Variants in VAV2 observed in about 807,000 individuals in gnomAD.
VAV2 encodes the protein vav guanine nucleotide exchange factor 2.
VAV2 carries 67 observed loss-of-function variants against 132.5 expected under a neutral mutation model. That is an observed-to-expected ratio of 0.51 (90% CI 0.42 to 0.62). The LOEUF is 0.62. VAV2 is among the 20% of genes least tolerant of loss of function. The probability of loss-of-function intolerance (pLI) is 0.00; values close to 1 mark genes in which losing one functional copy is unlikely to be tolerated. For synonymous variants in VAV2, 492 were observed against 443.5 expected, an observed-to-expected ratio of 1.11 and a Z score of -1.37; for missense variants, 938 against 1,153.6, an observed-to-expected ratio of 0.81 and a Z score of 2.71.
At position 133,885,178 on chromosome 9, in the gene VAV2, G is replaced by A. The variant is rs556712095; in HGVS notation, c.322-23746C>T. Among the ~76,000 whole-genome samples, 8 of 152,300 alleles carry A rather than the reference G, an allele frequency of 5.3e-5. No individual in the cohort carries two copies. Among genetic ancestry groups the A allele is most frequent in the African/African-American group, 1.9e-4 (8 of 41,572 alleles). On this transcript the variant is annotated intron_variant, in intron 2 of 29. Transcript: ENST00000371850. This position sits in a 1 kb window ranked among gnomAD's most constrained non-coding sequence, Gnocchi z 5.0. The stretch of plus-strand genomic sequence containing the variant: ...AACCAGTGACTTCATTTGCTCCAGT[G>A]TCCTGCGATTGATTCTTCTGAACTT...
chr9:133,788,243 C>CCCCA lies in VAV2; in HGVS notation c.1407+110_1407+111insTGGG. The CCCCA allele has an allele frequency of 9.9e-6, 13 of 1,310,464 alleles. No homozygotes were observed. Among genetic ancestry groups the CCCCA allele is most frequent in the South Asian group, 2.7e-5 (2 of 74,392 alleles). The allele number at this position is 1,310,464 out of a possible 1,614,324, so 81.2% of individuals were successfully genotyped here. On this transcript the variant is annotated intron_variant, in intron 15 of 29. Coordinates refer to ENST00000371850, the MANE Select transcript of VAV2 (RefSeq NM_001134398.2). This position sits in a 1 kb window ranked among gnomAD's most constrained non-coding sequence, Gnocchi z 5.3. ...AGACGCCCACCCCAACCCACCCGGC[C>CCCCA]AGCATCAGCGGCTGACTTCGAGTCC...
chr9:133,972,996 A>C (rs2810544), intron 1 of VAV2, among the ~76,000 whole-genome samples: 150,240 of 152,208 alleles, frequency 0.99, 74,173 homozygotes, highest in East Asian at 1. Context: ...GCGGAGGAGG[A>C]GGGCACTGGG....
intron 1 of VAV2, among the ~76,000 whole-genome samples, chr9:133,943,025 G>A (rs1416637870): frequency 2.0e-5 from 3 of 152,270 alleles, no homozygotes; most frequent in South Asian, 4.1e-4. Context: ...TTTCCACAAA[G>A]GGAAACTGAG....
chr9:133,839,049 T>G lies in VAV2; in HGVS notation c.381-4709A>C, dbSNP rs924141360. Among the ~76,000 whole-genome samples the G allele has an allele frequency of 2.0e-5, 3 of 151,032 alleles. No individual in the cohort carries two copies. The South Asian group carries it at 6.3e-4, about 32-fold the overall frequency. On this transcript the variant is annotated intron_variant, in intron 3 of 29. Coordinates refer to ENST00000371850, the MANE Select transcript of VAV2 (RefSeq NM_001134398.2). ...GTGGGTGGATGGATGAAAAGATGCA[T>G]GAATGGATGGATGGGCGAGTGGTTG...
chr9:133,940,482 G>T (rs556530985), intron 1 of VAV2, among the ~76,000 whole-genome samples: 2 of 152,112 alleles, frequency 1.3e-5, no homozygotes, highest in Non-Finnish European at 2.9e-5. Context: ...CACTGAGAAC[G>T]CCCTGGGAGC....
At position 133,824,875 on chromosome 9, in the gene VAV2, G is replaced by GGCTCAGGGCCCGGCCTGCAGC. The variant is rs879256020; in HGVS notation, c.449+9376_449+9396dup. 1.4e-3 allele frequency among the ~76,000 whole-genome samples: 215 copies of GGCTCAGGGCCCGGCCTGCAGC among 152,304 alleles called. 1 individual carries two copies. The highest frequency in any genetic ancestry group is 2.5e-3 in the Non-Finnish European group (167 of 68,020). Reference sequence around the variant, plus strand: ...CCGTCTCCTTCCTGTCCAGCGAGAGGGCTCAGGGCCCGGCCTGCAGCGCTC... The same window carrying GGCTCAGGGCCCGGCCTGCAGC: ...CCGTCTCCTTCCTGTCCAGCGAGAGGGCTCAGGGCCCGGCCTGCAGCGCTCAGGGCCCGGCCTGCAGCGCTC... On this transcript the variant is annotated intron_variant, in intron 4 of 29. Coordinates refer to ENST00000371850, the MANE Select transcript of VAV2 (RefSeq NM_001134398.2). This position sits in a 1 kb window ranked among gnomAD's most constrained non-coding sequence, Gnocchi z 5.2.
intron 1 of VAV2, among the ~76,000 whole-genome samples, chr9:133,981,692 GCCA>G (rs1757662619): frequency 1.3e-5 from 2 of 152,232 alleles, no homozygotes; most frequent in Non-Finnish European, 2.9e-5. Flanking sequence ...GAGGGACACG[GCCA>G]CCAAGAAGAT....
chr9:133,859,788 T>C (rs1837526588), intron 3 of VAV2, among the ~76,000 whole-genome samples: 1 of 152,214 alleles, frequency 6.6e-6, no homozygotes, highest in South Asian at 2.1e-4. Context: ...AATGATACTT[T>C]TAAAAACAAT....
At chr9:133,942,826 C>A (rs1841220267) in intron 1 of VAV2, among the ~76,000 whole-genome samples, 1 of 152,174 alleles carries the variant, frequency 6.6e-6, no homozygotes, top group Admixed American at 6.5e-5. Context: ...GGGCCCAACC[C>A]AGGGTGGTCT....
Position 133,788,370 on chromosome 9 carries a change from T to C in VAV2, c.1391A>G (p.Asn464Ser), listed in dbSNP as rs762753188. Reference protein sequence around the residue: ...FHKMTDDPMNNKDVKKSHGKM... With the variant: ...FHKMTDDPMNSKDVKKSHGKM... ...AGGCCCCACCTTCTTGACGTCCTTGTTGTTCATGGGGTCGTCGGTCATCTT... is the reference window on the plus strand; with the variant it reads ...AGGCCCCACCTTCTTGACGTCCTTGCTGTTCATGGGGTCGTCGGTCATCTT... The change falls in exon 15 of 30, where the codon AAC (asparagine) becomes AGC (serine). Residue 464 changes from asparagine to serine, a missense_variant. Physicochemically the swap from Asn to Ser is conservative, Grantham distance 46 (BLOSUM62 1). Transcript: ENST00000371850. This position sits in a 1 kb window ranked among gnomAD's most constrained non-coding sequence, Gnocchi z 5.3. The C allele has an allele frequency of 6.2e-7, 1 of 1,608,718 alleles. No homozygotes were observed. The highest frequency in any genetic ancestry group is 8.5e-7 in the Non-Finnish European group (1 of 1,175,534).
intron 4 of VAV2, among the ~76,000 whole-genome samples, chr9:133,820,224 C>T (rs1835730464): frequency 6.6e-6 from 1 of 152,246 alleles, no homozygotes; most frequent in Admixed American, 6.5e-5. Flanking sequence ...AAGCTCTGCT[C>T]CCTAATAGCT....
chr9:133,867,468 C>T (rs952070720), intron 2 of VAV2, among the ~76,000 whole-genome samples: 1 of 152,234 alleles, frequency 6.6e-6, no homozygotes, highest in Non-Finnish European at 1.5e-5. Flanking sequence ...AAGTCCCCGG[C>T]ACCCTGCAGG....
chr9:133,967,206 C>T (rs759362381), intron 1 of VAV2, among the ~76,000 whole-genome samples: 13 of 152,080 alleles, frequency 8.5e-5, no homozygotes, highest in Admixed American at 4.6e-4. Context: ...AAAACCACAA[C>T]GAGATACCAT....
intron 3 of VAV2, among the ~76,000 whole-genome samples, chr9:133,855,954 C>A (rs1203463127): frequency 6.6e-6 from 1 of 152,196 alleles, no homozygotes; most frequent in Non-Finnish European, 1.5e-5. Context: ...CCTAGCCACA[C>A]ACTGGAATGT....
intron 12 of VAV2, among the ~76,000 whole-genome samples, chr9:133,792,425 T>C (rs996553637): frequency 4.0e-5 from 6 of 149,696 alleles, no homozygotes; most frequent in African/African-American, 1.5e-4. Context: ...TGTGAGAACA[T>C]GTGTGTCTGA....
At chr9:133,980,214 G>C (rs1336476720) in intron 1 of VAV2, among the ~76,000 whole-genome samples, 3 of 152,216 alleles carry the variant, frequency 2.0e-5, no homozygotes, top group African/African-American at 7.2e-5. Flanking sequence ...TGCCGGTGGA[G>C]GGGGGAAGTG....
intron 4 of VAV2, among the ~76,000 whole-genome samples, chr9:133,825,171 G>A (rs1233571949): frequency 2.2e-5 from 3 of 134,676 alleles, no homozygotes; most frequent in Non-Finnish European, 4.6e-5. Flanking sequence ...GTCCAGCCAG[G>A]TGTCCTTGTC....
In VAV2 at chr9:133,788,215, C is replaced by T. The variant is rs532287256; in HGVS notation, c.1407+139G>A. On this transcript the variant is annotated intron_variant, in intron 15 of 29. Transcript: ENST00000371850. This position sits in a 1 kb window ranked among gnomAD's most constrained non-coding sequence, Gnocchi z 5.3. The stretch of plus-strand genomic sequence containing the variant: ...CTCAGAGAGGAGCCTTCCTGCAGAG[C>T]GGAGACGCCCACCCCAACCCACCCG... The T allele has an allele frequency of 9.8e-5, 111 of 1,136,316 alleles. 1 individual carries two copies. The highest frequency in any genetic ancestry group is 4.2e-4 in the South Asian group (28 of 66,166). 70.4% of individuals were successfully genotyped at this position (1,136,316 alleles called of 1,614,324 possible).
At chr9:133,803,187 A>T (rs1588197437) in intron 9 of VAV2, among the ~76,000 whole-genome samples, 2 of 151,992 alleles carry the variant, frequency 1.3e-5, no homozygotes, top group African/African-American at 4.8e-5. Context: ...TCATCTCCAC[A>T]TACGCAGGGA....
Sources: gnomAD v4.1 joint callset for allele counts (sites outside exome capture counted in the v4.1 genomes callset) on GRCh38, gnomAD v4.1.1 for gene constraint, Gnocchi (gnomAD v3.1) non-coding constraint, MANE v1.5 for transcripts, NCBI Gene and HGNC (gene_info 2026-07-23, HGNC 2026-07-21) for gene names.